The following RNF128 variants were observed in gnomAD, a reference collection of about 807,000 sequenced individuals.
RNF128 encodes E3 ubiquitin-protein ligase RNF128.
RNF128 carries 13 observed loss-of-function variants against 26.2 expected under a neutral mutation model. That is an observed-to-expected ratio of 0.50 (90% confidence interval 0.32 to 0.79). The LOEUF (loss-of-function observed/expected upper bound fraction) is 0.79. Among genes scored for constraint, RNF128 ranks in the 30% least tolerant of loss-of-function variants. The probability of loss-of-function intolerance (pLI) is 0.03; values close to 1 mark genes in which losing one functional copy is unlikely to be tolerated. For missense variants in RNF128, 315 were observed against 349.7 expected (o/e 0.90, Z 0.79); for synonymous variants, 149 against 142.5 (o/e 1.05, Z -0.32).
chrX:106,769,748 C>A (rs898923009), intron 1 of RNF128, among the ~76,000 whole-genome samples: 33 of 110,241 alleles, frequency 3.0e-4, no homozygotes, highest in Non-Finnish European at 4.7e-4. Flanking sequence ...AGCCCATTTA[C>A]ATTTAAAGTT....
intron 1 of RNF128, among the ~76,000 whole-genome samples, chrX:106,715,335 A>C (rs150134154): frequency 0.014 from 1,615 of 112,347 alleles, 38 homozygotes; most frequent in African/African-American, 0.049. Flanking sequence ...CTTATTTTCC[A>C]TCTGTATTTC....
At chrX:106,711,419 G>A (rs966335385) in intron 1 of RNF128, among the ~76,000 whole-genome samples, 2 of 112,289 alleles carry the variant, frequency 1.8e-5, no homozygotes, top group South Asian at 3.7e-4. Flanking sequence ...TTTGGATCTC[G>A]ACGGTTTTTT....
intron 1 of RNF128, among the ~76,000 whole-genome samples, chrX:106,719,132 G>A (rs1929267879): frequency 9.0e-6 from 1 of 111,632 alleles, no homozygotes; most frequent in Admixed American, 9.5e-5. Flanking sequence ...TATTTTTTCA[G>A]GAGCCCCAGC....
chrX:106,737,223 TTTA>T (rs747505147), intron 1 of RNF128, among the ~76,000 whole-genome samples: 4 of 110,968 alleles, frequency 3.6e-5, no homozygotes, highest in African/African-American at 1.3e-4. Flanking sequence ...ATTTTCTTTT[TTTA>T]TTATTATTAT....
chrX:106,788,595 A>C (rs1397165507), intron 4 of RNF128, among the ~76,000 whole-genome samples: 1 of 60,326 alleles, frequency 1.7e-5, no homozygotes, highest in South Asian at 1.0e-3. Context: ...ATAGTATATT[A>C]TGTATAATAC....
chrX:106,721,085 C>T (rs1489541181), intron 1 of RNF128, among the ~76,000 whole-genome samples: 1 of 112,126 alleles, frequency 8.9e-6, no homozygotes, highest in African/African-American at 3.2e-5. Context: ...TTGCAAGTGA[C>T]ATTATGTTAT....
At chrX:106,794,412 A>G (rs1823780273) in intron 6 of RNF128, among the ~76,000 whole-genome samples, 1 of 110,376 alleles carries the variant, frequency 9.1e-6, no homozygotes, top group Non-Finnish European at 1.9e-5. Context: ...TCATTTTCAT[A>G]CTCTTATTTT....
At position 106,791,165 on chromosome X, in the gene RNF128, G is replaced by T. The variant is rs764020902; in HGVS notation, c.1084G>T (p.Ala362Ser). Residue 362 changes from alanine to serine, a missense_variant, in exon 6 of 7, where the codon GCA becomes TCA. Transcript: ENST00000255499. ...TGAAGAGGATAATCGCAGCGAGACC[G>T]CATCATCTGGATATGCTTCAGTACA... is the stretch of plus-strand genomic sequence containing the variant. ...SHEEDNRSET[A>S]SSGYASVQGT... 11 of 1,206,984 alleles carry T rather than the reference G, an allele frequency of 9.1e-6. No individual in the cohort carries two copies. Among genetic ancestry groups the T allele is most frequent in the African/African-American group, 1.8e-5 (1 of 56,871 alleles).
chrX:106,771,828 G>A (rs780793147), intron 1 of RNF128, among the ~76,000 whole-genome samples: 3 of 112,458 alleles, frequency 2.7e-5, no homozygotes, highest in Non-Finnish European at 5.6e-5. Flanking sequence ...ACTCACACTG[G>A]GAGCTACAGA....
intron 1 of RNF128, among the ~76,000 whole-genome samples, chrX:106,707,984 T>C (rs1929071098): frequency 8.9e-6 from 1 of 111,802 alleles, no homozygotes; most frequent in South Asian, 3.8e-4. Context: ...GACTGATTCA[T>C]ATCAGGCCCT....
At chrX:106,718,134 G>C (rs987284264) in intron 1 of RNF128, among the ~76,000 whole-genome samples, 1 of 111,727 alleles carries the variant, frequency 9.0e-6, no homozygotes, top group African/African-American at 3.3e-5. Context: ...AAAACCAGGA[G>C]GGAGCTATGC....
At chrX:106,774,900 G>A (rs913485358) in intron 2 of RNF128, among the ~76,000 whole-genome samples, 6 of 112,117 alleles carry the variant, frequency 5.4e-5, no homozygotes, top group African/African-American at 9.7e-5. Flanking sequence ...TTTAGGGGGC[G>A]GAAGGAGCAG....
rs149183842 is a variant in RNF128 at position 106,703,853 on chromosome X, T to A, written c.406+9445T>A. Among the ~76,000 whole-genome samples, 947 of 109,808 alleles carry A rather than the reference T, an allele frequency of 8.6e-3. 9 individuals are homozygous for A. The highest frequency in any genetic ancestry group is 0.03 in the African/African-American group (915 of 30,164). Reference sequence around the variant, plus strand: ...GATATTTCTGTTAGGATTTTGGAGGTTTAGCAGATTAGGATGCTGATAATA... The same window carrying A: ...GATATTTCTGTTAGGATTTTGGAGGATTAGCAGATTAGGATGCTGATAATA... On this transcript the variant is annotated intron_variant, in intron 1 of 6. Coordinates refer to the RNF128 transcript ENST00000324342.
intron 1 of RNF128, among the ~76,000 whole-genome samples, chrX:106,769,184 T>C (rs1377371694): frequency 8.9e-6 from 1 of 112,085 alleles, no homozygotes; most frequent in Non-Finnish European, 1.9e-5. Context: ...GAAGAATGTA[T>C]ATTCTGTTGA....
chrX:106,754,980 A>G (rs1322076714), intron 1 of RNF128, among the ~76,000 whole-genome samples: 2 of 111,748 alleles, frequency 1.8e-5, no homozygotes, highest in African/African-American at 6.5e-5. Context: ...AATGACATGA[A>G]AAGTTGTTTT....
At chrX:106,767,192 G>A (rs751037901) in intron 1 of RNF128, among the ~76,000 whole-genome samples, 39 of 111,615 alleles carry the variant, frequency 3.5e-4, no homozygotes, top group East Asian at 2.5e-3. Flanking sequence ...TTGTCTTGGC[G>A]ATGCGGGCTC....
At chrX:106,704,929 G>A (rs979167068) in intron 1 of RNF128, among the ~76,000 whole-genome samples, 4 of 112,010 alleles carry the variant, frequency 3.6e-5, no homozygotes, top group South Asian at 3.8e-4. Context: ...TATATGAAAT[G>A]TAAGAGCATT....
intron 1 of RNF128, among the ~76,000 whole-genome samples, chrX:106,770,754 C>A (rs1930355666): frequency 8.9e-6 from 1 of 112,147 alleles, no homozygotes; most frequent in African/African-American, 3.2e-5. Context: ...CTTCTCTCAA[C>A]CCATCAAAGT....
intron 1 of RNF128, among the ~76,000 whole-genome samples, chrX:106,757,551 A>G (rs1236550425): frequency 1.3e-5 from 1 of 74,567 alleles, no homozygotes; most frequent in Non-Finnish European, 2.5e-5. Flanking sequence ...ACATGGACAC[A>G]GGAAGGGGAA....
Sources: gnomAD v4.1 joint callset for allele counts (sites outside exome capture counted in the v4.1 genomes callset) on GRCh38, gnomAD v4.1.1 for gene constraint, MANE v1.5 for transcripts, NCBI Gene and HGNC (gene_info 2026-07-23, HGNC 2026-07-21) for gene names.